The following MGAT4D variants were observed in gnomAD, a reference collection of about 807,000 sequenced individuals.
MGAT4D encodes MGAT4 family member D.
Under a neutral mutation model 15.9 loss-of-function variants are expected in MGAT4D, and 34 were observed. That is an observed-to-expected ratio of 2.14 (90% confidence interval 1.62 to 2.84). The LOEUF is 2.84. MGAT4D is among the 30% of genes most tolerant of loss of function. The pLI, the probability that MGAT4D is intolerant of heterozygous loss-of-function variation, is 0.00. For synonymous variants in MGAT4D, 112 were observed against 48.2 expected (o/e 2.33, Z -5.49); for missense variants, 327 against 140.2 (o/e 2.33, Z -6.73).
chr4:140,473,299 A>G (rs1005225478), intron 4 of MGAT4D, among the ~76,000 whole-genome samples: 1 of 152,124 alleles, frequency 6.6e-6, no homozygotes, highest in Non-Finnish European at 1.5e-5. Flanking sequence ...TTCAATGACT[A>G]TCGAGTATTG....
intron 10 of MGAT4D, 73 bp downstream of exon 10, chr4:140,451,327 TATGTCACCAC>T: frequency 4.6e-6 from 2 of 437,984 alleles, no homozygotes; most frequent in Admixed American, 7.6e-5. Context: ...TATAGTGTCT[TATGTCACCAC>T]TTCTTTTCTA....
intron 5 of MGAT4D, among the ~76,000 whole-genome samples, chr4:140,468,728 C>T (rs1034078556): frequency 2.0e-5 from 3 of 152,078 alleles, no homozygotes; most frequent in Admixed American, 6.6e-5. Context: ...TTTGTTTAAT[C>T]TTTATTTAAT....
At chr4:140,469,934 G>A (rs2126770980) in intron 5 of MGAT4D, among the ~76,000 whole-genome samples, 1 of 152,312 alleles carries the variant, frequency 6.6e-6, no homozygotes, top group Middle Eastern at 3.4e-3. Context: ...CCTGTCCTGC[G>A]GGACGCCCTT....
At position 140,442,679 on chromosome 4, in the gene MGAT4D, T is replaced by C. The variant is rs1486913680; in HGVS notation, c.*757A>G. ...TTTAAAAGGGAGTATACAGAAACTA[T>C]ACATTCTTTCCAAAGTCATATGGAA... On this transcript the variant is annotated 3_prime_UTR_variant, in exon 11 of 11. Transcript: ENST00000511113. 6.6e-6 allele frequency: 1 copy of C among 152,166 alleles called. No homozygotes were observed. The highest frequency in any genetic ancestry group is 2.4e-5 in the African/African-American group (1 of 41,454). The allele number at this position is 152,166 out of a possible 1,614,324, so 9.4% of individuals were successfully genotyped here. A position where few individuals can be genotyped will look rare whatever the true frequency, so the allele number is the denominator to read the frequency against.
rs1466460511 is a variant in MGAT4D at position 140,474,913 on chromosome 4, C to A, written c.425G>T (p.Arg142Ile). The A allele has an allele frequency of 1.7e-5, 12 of 697,086 alleles. No homozygotes were observed. Among genetic ancestry groups the A allele is most frequent in the Middle Eastern group, 2.3e-4 (1 of 4,376 alleles). The allele number at this position is 697,086 out of a possible 1,614,324, so 43.2% of individuals were successfully genotyped here. A position where few individuals can be genotyped will look rare whatever the true frequency, so the allele number is the denominator to read the frequency against. ...SFALGISTVN[R>I]GNYSYLKQTL... ...CTGTTTCAGGTAACTATAATTTCCT[C>A]TGTTAACAGTGGAAATACCCAGCGC... The change falls in exon 4 of 11, where the codon AGA becomes ATA. Residue 142 changes from arginine (R) to isoleucine (I), a missense_variant. Coordinates refer to ENST00000511113, the MANE Select transcript of MGAT4D (RefSeq NM_001277353.2).
At chr4:140,485,734 C>T (rs1241960244) in intron 1 of MGAT4D, among the ~76,000 whole-genome samples, 1 of 136,168 alleles carries the variant, frequency 7.3e-6, no homozygotes, top group Non-Finnish European at 1.5e-5. Context: ...TGCTTGAGCT[C>T]AGGAGATCAA....
intron 10 of MGAT4D, 100 bp from the exon 11 acceptor site, chr4:140,443,544 T>C (rs889263800): frequency 5.1e-6 from 2 of 394,402 alleles, no homozygotes; most frequent in African/African-American, 4.2e-5. Context: ...TATTTCCTTA[T>C]TGTATCCTCT....
At chr4:140,497,234 G>A (rs1343439358) in intron 1 of MGAT4D, among the ~76,000 whole-genome samples, 1 of 152,132 alleles carries the variant, frequency 6.6e-6, no homozygotes, top group Non-Finnish European at 1.5e-5. Flanking sequence ...CAACGTAAGA[G>A]CAATCGTGGA....
intron 4 of MGAT4D, among the ~76,000 whole-genome samples, chr4:140,473,651 C>T (rs1378095927): frequency 6.6e-6 from 1 of 152,154 alleles, no homozygotes; most frequent in African/African-American, 2.4e-5. Flanking sequence ...AGTCTGTTCT[C>T]AACTTCCATA....
chr4:140,464,141 G>A (rs1384395808), intron 6 of MGAT4D, among the ~76,000 whole-genome samples: 2 of 152,126 alleles, frequency 1.3e-5, no homozygotes, highest in African/African-American at 4.8e-5. Context: ...AAAACAAAAC[G>A]CTTAAAAGAT....
chr4:140,483,988 A>G (rs1308107952), intron 1 of MGAT4D, among the ~76,000 whole-genome samples: 2 of 152,186 alleles, frequency 1.3e-5, no homozygotes, highest in Non-Finnish European at 2.9e-5. Flanking sequence ...ATAACAGATA[A>G]CAAAAGACAA....
At chr4:140,478,005 T>C (rs1431782120) in intron 3 of MGAT4D, among the ~76,000 whole-genome samples, 14 of 152,222 alleles carry the variant, frequency 9.2e-5, no homozygotes, top group Admixed American at 9.2e-4. Context: ...TAGTAGGCCT[T>C]GCCACAGGCT....
At chr4:140,496,152 T>G (rs1368460638) in intron 1 of MGAT4D, among the ~76,000 whole-genome samples, 2 of 152,226 alleles carry the variant, frequency 1.3e-5, no homozygotes, top group Non-Finnish European at 2.9e-5. Context: ...ATTAAATTTT[T>G]AAGACATTGG....
At chr4:140,445,966 C>T (rs1376587802) in intron 10 of MGAT4D, among the ~76,000 whole-genome samples, 1 of 152,098 alleles carries the variant, frequency 6.6e-6, no homozygotes, top group African/African-American at 2.4e-5. Flanking sequence ...AGATGAATCA[C>T]ATTTATTGAT....
intron 2 of MGAT4D, among the ~76,000 whole-genome samples, chr4:140,481,608 G>A (rs1181292256): frequency 2.0e-5 from 3 of 152,082 alleles, no homozygotes; most frequent in African/African-American, 7.2e-5. Flanking sequence ...ATTGAACATC[G>A]ATACAACGAA....
rs945951628 is a variant in MGAT4D, at chr4:140,452,246, T to A, written c.1009-729A>T. On this transcript the variant is annotated intron_variant, in intron 9 of 10. Transcript: ENST00000511113. The stretch of plus-strand genomic sequence containing the variant: ...AATAATGATGATCACTGAGAATTAT[T>A]TTATATATTTTTATACATAGAAGAT... 2.0e-5 allele frequency among the ~76,000 whole-genome samples: 3 copies of A among 152,024 alleles called. No homozygotes were observed. In the South Asian group the frequency reaches 6.2e-4, roughly 32 times the overall value.
chr4:140,480,627 C>T (rs1732641049), intron 2 of MGAT4D, among the ~76,000 whole-genome samples: 1 of 152,032 alleles, frequency 6.6e-6, no homozygotes, highest in South Asian at 2.1e-4. Flanking sequence ...ATGTAGAACT[C>T]TTTCAAAACT....
intron 7 of MGAT4D, among the ~76,000 whole-genome samples, chr4:140,460,601 T>G (rs1016350705): frequency 3.9e-5 from 6 of 152,268 alleles, no homozygotes; most frequent in Middle Eastern, 3.4e-3. Flanking sequence ...TTTGGGAGGA[T>G]GAGGCAGGCA....
chr4:140,455,773 T>A (rs1478588194), intron 9 of MGAT4D, among the ~76,000 whole-genome samples: 1 of 152,216 alleles, frequency 6.6e-6, no homozygotes, highest in African/African-American at 2.4e-5. Flanking sequence ...AACCCTTTTA[T>A]TATATATAAC....
Sources: gnomAD v4.1 joint callset for allele counts (sites outside exome capture counted in the v4.1 genomes callset) on GRCh38, gnomAD v4.1.1 for gene constraint, MANE v1.5 for transcripts, NCBI Gene and HGNC (gene_info 2026-07-23, HGNC 2026-07-21) for gene names.